The following CPE variants were observed in gnomAD, a reference collection of about 807,000 sequenced individuals.
CPE encodes carboxypeptidase E.
CPE carries 17 observed loss-of-function variants against 53.5 expected under a neutral mutation model. The ratio of observed to expected loss-of-function variants is 0.32; its 90% CI spans 0.22 to 0.48. The LOEUF is 0.48. CPE is among the 20% of genes least tolerant of loss of function. The pLI is 0.99. For synonymous variants in CPE, 226 were observed against 228.8 expected, an observed-to-expected ratio of 0.99 and a Z score of 0.11; for missense variants, 524 against 614.7, an observed-to-expected ratio of 0.85 and a Z score of 1.56.
At chr4:165,493,383 A>G in intron 7 of CPE, 113 bp downstream of exon 7, 1 of 739,690 alleles carries the variant, frequency 1.4e-6, no homozygotes, top group Non-Finnish European at 2.2e-6. Context: ...TCGTATCTCT[A>G]CAGCGTTTCT....
intron 3 of CPE, among the ~76,000 whole-genome samples, chr4:165,479,526 A>C (rs2126709747): frequency 6.6e-6 from 1 of 152,370 alleles, no homozygotes; most frequent in Admixed American, 6.5e-5. Context: ...TTATTGAACG[A>C]ATGAATGAAA....
intron 1 of CPE, among the ~76,000 whole-genome samples, chr4:165,449,213 G>A (rs1237851693): frequency 6.6e-6 from 1 of 152,184 alleles, no homozygotes; most frequent in Non-Finnish European, 1.5e-5. Flanking sequence ...GGCATGATTA[G>A]CCTATGATTA....
intron 1 of CPE, among the ~76,000 whole-genome samples, chr4:165,444,985 C>T (rs894245559): frequency 2.0e-5 from 3 of 151,860 alleles, no homozygotes; most frequent in African/African-American, 4.8e-5. Context: ...GAGATGGAGT[C>T]TTGCTCTGTC....
chr4:165,450,054 A>G (rs1243994288), intron 1 of CPE, among the ~76,000 whole-genome samples: 3 of 152,186 alleles, frequency 2.0e-5, no homozygotes, highest in Non-Finnish European at 4.4e-5. Context: ...CTTGGGACAC[A>G]CATGAAATTA....
chr4:165,406,606 C>T (rs961839037), intron 1 of CPE, among the ~76,000 whole-genome samples: 2 of 152,094 alleles, frequency 1.3e-5, no homozygotes, highest in Non-Finnish European at 2.9e-5. Flanking sequence ...AGATAGAATT[C>T]ACATACCAAA....
chr4:165,399,572 A>G (rs990392457), intron 1 of CPE, among the ~76,000 whole-genome samples: 1 of 152,098 alleles, frequency 6.6e-6, no homozygotes, highest in Admixed American at 6.6e-5. Context: ...GGGTTTCACC[A>G]TGTTGGCCAG....
rs1285293283 is a variant in CPE at position 165,396,270 on chromosome 4, C to G, written c.307+16742C>G. On this transcript the variant is annotated intron_variant, in intron 1 of 8. Coordinates refer to ENST00000402744, the MANE Select transcript of CPE (RefSeq NM_001873.4). ...CTGTAAGAACTGTTGGTATGACCCACCATGCTCTCTCTGTCTCTCTCTGTA... is the reference window on the plus strand; with the variant it reads ...CTGTAAGAACTGTTGGTATGACCCAGCATGCTCTCTCTGTCTCTCTCTGTA... Among the ~76,000 whole-genome samples the G allele has an allele frequency of 5.3e-5, 8 of 151,700 alleles. No individual in the cohort carries two copies. The East Asian group carries it at 1.2e-3, about 22-fold the overall frequency.
chr4:165,496,921 C>CT lies in CPE; in HGVS notation c.1333-584dup, dbSNP rs1732712795. Among the ~76,000 whole-genome samples the CT allele has an allele frequency of 2.0e-5, 3 of 152,120 alleles. No individual in the cohort carries two copies. In the South Asian group the frequency reaches 6.2e-4, roughly 32 times the overall value. On this transcript the variant is annotated intron_variant, in intron 8 of 8. Transcript: ENST00000402744. The stretch of plus-strand genomic sequence containing the variant: ...GAAAATTAACTATAAGTTACATCCT[C>CT]TTTTTTTCTTTTCTTTTTTGAGACA...
At chr4:165,436,091 T>G (rs1731496883) in intron 1 of CPE, among the ~76,000 whole-genome samples, 1 of 152,136 alleles carries the variant, frequency 6.6e-6, no homozygotes, top group African/African-American at 2.4e-5. Context: ...GTTCTTGACC[T>G]TCCTCTCTTC....
chr4:165,404,787 A>G lies in CPE; in HGVS notation c.307+25259A>G, dbSNP rs1247547816. 9.0e-6 allele frequency: 7 copies of G among 774,604 alleles called. No homozygotes were observed. In the East Asian group the frequency reaches 1.7e-4, roughly 19 times the overall value. 48.0% of individuals were successfully genotyped at this position (774,604 alleles called of 1,614,324 possible). The stretch of plus-strand genomic sequence containing the variant: ...TGCTTGAGACCGATTGCTACAGTTG[A>G]AGCACTGGTGTCTTTGGAAGTCTTC... On this transcript the variant is annotated intron_variant, in intron 1 of 8. Transcript: ENST00000402744.
At chr4:165,475,100 A>G (rs1215230620) in intron 3 of CPE, among the ~76,000 whole-genome samples, 1 of 152,222 alleles carries the variant, frequency 6.6e-6, no homozygotes, top group African/African-American at 2.4e-5. Context: ...CTTAACATAA[A>G]GTAGTAACCT....
At chr4:165,436,901 G>A (rs183928566) in intron 1 of CPE, among the ~76,000 whole-genome samples, 1 of 152,246 alleles carries the variant, frequency 6.6e-6, no homozygotes. Context: ...AAGGTTTACC[G>A]AAAACCACTG....
At chr4:165,495,943 A>G (rs17631042) in intron 8 of CPE, among the ~76,000 whole-genome samples, 7,963 of 152,290 alleles carry the variant, frequency 0.052, 347 homozygotes, top group East Asian at 0.19. Flanking sequence ...CTTGATTTCC[A>G]TCTCAATGGG....
intron 1 of CPE, among the ~76,000 whole-genome samples, chr4:165,415,878 G>GAATC (rs1731114732): frequency 6.6e-6 from 1 of 151,980 alleles, no homozygotes; most frequent in Non-Finnish European, 1.5e-5. Flanking sequence ...ATGGGAGAAT[G>GAATC]TAAGTTTTTG....
At chr4:165,409,759 A>G (rs1314010750) in intron 1 of CPE, among the ~76,000 whole-genome samples, 2 of 152,164 alleles carry the variant, frequency 1.3e-5, no homozygotes, top group East Asian at 1.9e-4. Context: ...ATTTTGTACT[A>G]TATTTATACT....
At chr4:165,442,023 G>GTTTTTTT (rs11415472) in intron 1 of CPE, among the ~76,000 whole-genome samples, 22 of 107,436 alleles carry the variant, frequency 2.0e-4, no homozygotes, top group East Asian at 5.8e-4. Flanking sequence ...CGGTGAGTTT[G>GTTTTTTT]TTTTTTTTTT....
At chr4:165,427,234 C>G (rs1440474280) in intron 1 of CPE, among the ~76,000 whole-genome samples, 1 of 152,206 alleles carries the variant, frequency 6.6e-6, no homozygotes, top group African/African-American at 2.4e-5. Flanking sequence ...ATTTCTCAGG[C>G]TGTTCTTTTG....
chr4:165,496,109 A>C (rs2126719755), intron 8 of CPE, among the ~76,000 whole-genome samples: 1 of 152,296 alleles, frequency 6.6e-6, no homozygotes, highest in African/African-American at 2.4e-5. Context: ...GCTAAGTAGT[A>C]TCAAAAACCA....
intron 1 of CPE, among the ~76,000 whole-genome samples, chr4:165,444,983 G>A (rs1315077838): frequency 6.6e-6 from 1 of 151,754 alleles, no homozygotes; most frequent in African/African-American, 2.4e-5. Context: ...TTGAGATGGA[G>A]TCTTGCTCTG....
Sources: allele counts gnomAD v4.1 joint callset (sites outside exome capture counted in the v4.1 genomes callset), GRCh38; gene constraint gnomAD v4.1.1; transcripts MANE v1.5; gene names NCBI Gene and HGNC (gene_info 2026-07-23, HGNC 2026-07-21).